Variants in DOCK1 observed in about 807,000 individuals in gnomAD.
DOCK1 encodes dedicator of cytokinesis protein 1.
DOCK1 carries 138 observed loss-of-function variants against 262.7 expected under a neutral mutation model. The ratio of observed to expected loss-of-function variants is 0.53; its 90% CI spans 0.46 to 0.61. The LOEUF (loss-of-function observed/expected upper bound fraction) is 0.61. Among genes scored for constraint, DOCK1 ranks in the 20% least tolerant of loss-of-function variants. The pLI, the probability that DOCK1 is intolerant of heterozygous loss-of-function variation, is 0.00. For missense variants in DOCK1, 1,908 were observed against 2,370.7 expected (o/e 0.80, Z 4.05); for synonymous variants, 866 against 867.4 (o/e 1.00, Z 0.03).
At chr10:127,412,790 T>C (rs2067938509) in intron 43 of DOCK1, among the ~76,000 whole-genome samples, 1 of 152,216 alleles carries the variant, frequency 6.6e-6, no homozygotes, top group South Asian at 2.1e-4. Flanking sequence ...GGAAGTTCCT[T>C]CCAGCCCCGA....
In DOCK1 at chr10:127,221,941, G is replaced by T. The variant is rs78701855; in HGVS notation, c.2848-26067G>T. Among the ~76,000 whole-genome samples, 660 of 152,306 alleles carry T rather than the reference G, an allele frequency of 4.3e-3. 11 individuals are homozygous for T. The highest frequency in any genetic ancestry group is 0.016 in the African/African-American group (651 of 41,570). On this transcript the variant is annotated intron_variant, in intron 27 of 51. Transcript: ENST00000623213. ...CATCCTTTGATGCTCAAGATTTTCTGTTCTCCAAAGCAGTAGAGACATTAG... is the reference window on the plus strand; with the variant it reads ...CATCCTTTGATGCTCAAGATTTTCTTTTCTCCAAAGCAGTAGAGACATTAG...
chr10:127,069,523 G>A (rs184734113), intron 23 of DOCK1, among the ~76,000 whole-genome samples: 156 of 152,334 alleles, frequency 1.0e-3, no homozygotes, highest in Admixed American at 2.7e-3. Flanking sequence ...TTGATTTTGA[G>A]TGGAGGAGGG....
At chr10:127,280,126 C>T (rs2060901811) in intron 29 of DOCK1, among the ~76,000 whole-genome samples, 1 of 149,908 alleles carries the variant, frequency 6.7e-6, no homozygotes, top group African/African-American at 2.4e-5. Context: ...GCTCCGCCTC[C>T]CGGGTTCACG....
intron 50 of DOCK1, 115 bp from the exon 51 acceptor site, chr10:127,447,279 A>T (rs1367955182): frequency 6.9e-7 from 1 of 1,451,718 alleles, no homozygotes; most frequent in African/African-American, 1.4e-5. Context: ...GTTTTCTGCC[A>T]GATGAAGTGT....
intron 27 of DOCK1, among the ~76,000 whole-genome samples, chr10:127,197,689 G>A (rs1031514861): frequency 6.6e-6 from 1 of 152,202 alleles, no homozygotes; most frequent in African/African-American, 2.4e-5. Context: ...TCAGTGGGCA[G>A]TGAGACCTCT....
intron 43 of DOCK1, 25 bp downstream of exon 43, chr10:127,410,949 C>A (rs11017952): frequency 0.24 from 379,926 of 1,606,208 alleles, 46,743 homozygotes; most frequent in African/African-American, 0.33. Context: ...AACCACCAAA[C>A]CAAACAACAA....
intron 38 of DOCK1, among the ~76,000 whole-genome samples, chr10:127,399,977 A>G (rs947723818): frequency 2.0e-5 from 3 of 152,152 alleles, no homozygotes; most frequent in Non-Finnish European, 2.9e-5. Flanking sequence ...AACCTTCAGC[A>G]GGATGGGGGA....
intron 29 of DOCK1, among the ~76,000 whole-genome samples, chr10:127,296,406 T>G (rs892098062): frequency 3.9e-5 from 6 of 152,198 alleles, no homozygotes; most frequent in African/African-American, 1.4e-4. Flanking sequence ...AGGCCTGTTC[T>G]TTGCAAGCCT....
chr10:127,428,690 T>TTGTGGTGCTGTGTGGAC (rs2069005349), intron 47 of DOCK1, among the ~76,000 whole-genome samples: 1 of 138,630 alleles, frequency 7.2e-6, no homozygotes, highest in Non-Finnish European at 1.5e-5. Context: ...ACCGTGTGGA[T>TTGTGGTGCTGTGTGGAC]TGTGGTGCTG....
chr10:127,339,695 T>TTGTGTGTGTGTG (rs112206811), intron 30 of DOCK1, among the ~76,000 whole-genome samples: 16 of 109,850 alleles, frequency 1.5e-4, no homozygotes, highest in African/African-American at 4.0e-4. Flanking sequence ...CTGGCCTGAT[T>TTGTGTGTGTGTG]TGTGTGTGTG....
intron 27 of DOCK1, among the ~76,000 whole-genome samples, chr10:127,187,273 G>T: frequency 6.6e-6 from 1 of 152,184 alleles, no homozygotes; most frequent in East Asian, 1.9e-4. Context: ...ACTTTACAAG[G>T]CTTGTGGAAA....
In DOCK1 at chr10:127,437,061, A is replaced by G. The variant is rs1016770399; in HGVS notation, c.5061-1966A>G. 1.1e-4 allele frequency among the ~76,000 whole-genome samples: 16 copies of G among 152,178 alleles called. No homozygotes were observed. The highest frequency in any genetic ancestry group is 3.9e-4 in the African/African-American group (16 of 41,434). On this transcript the variant is annotated intron_variant, in intron 48 of 51. Coordinates refer to ENST00000623213, the MANE Select transcript of DOCK1 (RefSeq NM_001290223.2). This position sits in a 1 kb window ranked among gnomAD's most constrained non-coding sequence, Gnocchi z 4.4. ...TGTTTAATTCGCGTCTCGATTCTCC[A>G]TATTCCCTGCATATTGGTGGTTGAA...
At chr10:127,429,853 C>CGGCCT (rs2069163538) in intron 47 of DOCK1, among the ~76,000 whole-genome samples, 1 of 149,620 alleles carries the variant, frequency 6.7e-6, no homozygotes, top group African/African-American at 2.5e-5. Context: ...GTGCCCTCAC[C>CGGCCT]AGCCCACAGC....
chr10:126,919,971 G>C (rs868295992), intron 1 of DOCK1, among the ~76,000 whole-genome samples: 1 of 152,136 alleles, frequency 6.6e-6, no homozygotes, highest in Non-Finnish European at 1.5e-5. Flanking sequence ...CTTGGAGGGG[G>C]CACCACTTCC....
At chr10:127,402,665 A>G (rs770171662) in intron 38 of DOCK1, 2 of 521,750 alleles carry the variant, frequency 3.8e-6, no homozygotes, top group Non-Finnish European at 7.6e-6. Context: ...CAGTTTCTAC[A>G]TAAATGGCAC....
At chr10:127,441,614 G>A (rs1190440186) in intron 49 of DOCK1, among the ~76,000 whole-genome samples, 2 of 152,148 alleles carry the variant, frequency 1.3e-5, no homozygotes, top group Non-Finnish European at 2.9e-5. Context: ...GACCAGCCAT[G>A]CGCAGGAGGG....
At chr10:126,977,186 A>C (rs1220588552) in intron 2 of DOCK1, among the ~76,000 whole-genome samples, 1 of 152,216 alleles carries the variant, frequency 6.6e-6, no homozygotes, top group South Asian at 2.1e-4. Flanking sequence ...TTGCAGGGGC[A>C]GTTCCTGTCC....
At chr10:127,269,198 C>T (rs568574952) in intron 29 of DOCK1, among the ~76,000 whole-genome samples, 24 of 152,242 alleles carry the variant, frequency 1.6e-4, no homozygotes, top group African/African-American at 4.1e-4. Context: ...AATGAGAAAG[C>T]GCATGTGGGG....
chr10:127,350,310 C>CCT (rs33959490), intron 31 of DOCK1, among the ~76,000 whole-genome samples: 67,723 of 151,826 alleles, frequency 0.45, 15,207 homozygotes, highest in South Asian at 0.53. Context: ...CGGTGCACCC[C>CCT]TCACCCCCTG....
Sources: allele counts gnomAD v4.1 joint callset (sites outside exome capture counted in the v4.1 genomes callset), GRCh38; gene constraint gnomAD v4.1.1; non-coding constraint Gnocchi (gnomAD v3.1); transcripts MANE v1.5; gene names NCBI Gene and HGNC (gene_info 2026-07-23, HGNC 2026-07-21).